The following ST6GALNAC3 variants were observed in gnomAD, a reference collection of about 807,000 sequenced individuals.
The protein encoded by ST6GALNAC3 is ST6 N-acetylgalactosaminide alpha-2,6-sialyltransferase 3, also known as alpha-N-acetylgalactosaminide alpha-2,6-sialyltransferase 3.
In ST6GALNAC3, 25 loss-of-function variants were observed where a neutral mutation model predicts 32.7. That is an observed-to-expected ratio of 0.76 (90% CI 0.56 to 1.07). The LOEUF is 1.07. Ranked by LOEUF, ST6GALNAC3 falls within the 50% of genes least tolerant of loss-of-function variation. The pLI is 0.00. For synonymous variants in ST6GALNAC3, 129 were observed against 133.1 expected (o/e 0.97, Z 0.21); for missense variants, 355 against 382.4 (o/e 0.93, Z 0.60).
intron 1 of ST6GALNAC3, among the ~76,000 whole-genome samples, chr1:76,102,498 C>T (rs188382726): frequency 4.3e-3 from 660 of 152,068 alleles, no homozygotes; most frequent in Middle Eastern, 6.8e-3. Flanking sequence ...CTTTTTCTCC[C>T]TTCTGTTGAA....
At chr1:76,461,575 G>A (rs910345733) in intron 3 of ST6GALNAC3, among the ~76,000 whole-genome samples, 1 of 152,084 alleles carries the variant, frequency 6.6e-6, no homozygotes, top group African/African-American at 2.4e-5. Context: ...GTCTCAGCAT[G>A]GGCATCTGCC....
At chr1:76,356,043 A>T (rs1316864616) in intron 2 of ST6GALNAC3, among the ~76,000 whole-genome samples, 2 of 152,168 alleles carry the variant, frequency 1.3e-5, no homozygotes, top group Non-Finnish European at 2.9e-5. Flanking sequence ...CTAAAACATT[A>T]CATTAACTAT....
At chr1:76,381,599 A>G (rs1262695193) in intron 2 of ST6GALNAC3, among the ~76,000 whole-genome samples, 2 of 152,248 alleles carry the variant, frequency 1.3e-5, no homozygotes, top group East Asian at 3.9e-4. Flanking sequence ...ATCAGAGTAC[A>G]CCAAAATGGG....
At position 76,148,488 on chromosome 1, in the gene ST6GALNAC3, C is replaced by T. The variant is rs566828913; in HGVS notation, c.18+73604C>T. 5.9e-5 allele frequency among the ~76,000 whole-genome samples: 9 copies of T among 152,226 alleles called. No individual in the cohort carries two copies. In the East Asian group the frequency reaches 7.7e-4, roughly 13 times the overall value. Reference sequence around the variant, plus strand: ...GGGCAAATTTGTTTGGTTTTCCTTCCGATATCTTTATTTATTTTTCTTTAT... The same window carrying T: ...GGGCAAATTTGTTTGGTTTTCCTTCTGATATCTTTATTTATTTTTCTTTAT... On this transcript the variant is annotated intron_variant, in intron 1 of 4. Transcript: ENST00000328299.
intron 3 of ST6GALNAC3, among the ~76,000 whole-genome samples, chr1:76,415,174 T>A (rs1210720690): frequency 2.0e-5 from 3 of 146,776 alleles, no homozygotes; most frequent in Non-Finnish European, 4.5e-5. Context: ...TTCATGTCTT[T>A]TTTTTTTTTT....
intron 3 of ST6GALNAC3, among the ~76,000 whole-genome samples, chr1:76,499,317 T>C (rs552880984): frequency 5.0e-4 from 76 of 152,296 alleles, no homozygotes; most frequent in African/African-American, 1.8e-3. Flanking sequence ...GTCTGCAATA[T>C]CTGGTAGGGT....
chr1:76,077,418 C>T (rs115206432), intron 1 of ST6GALNAC3, among the ~76,000 whole-genome samples: 13 of 152,262 alleles, frequency 8.5e-5, no homozygotes, highest in African/African-American at 3.1e-4. Context: ...AAAACATACA[C>T]ATTTTATTTG....
chr1:76,577,364 G>T, intron 3 of ST6GALNAC3: 1 of 976,262 alleles, frequency 1.0e-6, no homozygotes, highest in Non-Finnish European at 1.2e-6. Context: ...AAGAGCTATA[G>T]CCTCTTAATC....
intron 1 of ST6GALNAC3, among the ~76,000 whole-genome samples, chr1:76,124,163 C>T (rs1570075683): frequency 1.3e-5 from 2 of 152,190 alleles, no homozygotes; most frequent in African/African-American, 2.4e-5. Context: ...GAACTCCCGA[C>T]TACGATTGCT....
intron 2 of ST6GALNAC3, among the ~76,000 whole-genome samples, chr1:76,359,368 T>C (rs1649744324): frequency 6.6e-6 from 1 of 152,194 alleles, no homozygotes; most frequent in East Asian, 1.9e-4. Context: ...GGTCATACTG[T>C]AGCAGAGTGA....
intron 3 of ST6GALNAC3, among the ~76,000 whole-genome samples, chr1:76,498,583 A>G (rs1021305373): frequency 1.3e-5 from 2 of 152,166 alleles, no homozygotes; most frequent in African/African-American, 4.8e-5. Context: ...CTAATTCGAG[A>G]GTTTATTTTA....
chr1:76,146,428 T>C (rs559139600), intron 1 of ST6GALNAC3, among the ~76,000 whole-genome samples: 1 of 152,310 alleles, frequency 6.6e-6, no homozygotes, highest in Admixed American at 6.5e-5. Flanking sequence ...CAACTTTTGA[T>C]TGAGATGTTC....
At position 76,254,797 on chromosome 1, in the gene ST6GALNAC3, G is replaced by T. The variant is rs537036622; in HGVS notation, c.19-59008G>T. The stretch of plus-strand genomic sequence containing the variant: ...TAATTGGCTTTTATTAGTGATTCAT[G>T]AATCCGTTCGCATCCCATCTGTGAA... On this transcript the variant is annotated intron_variant, in intron 1 of 4. Coordinates refer to ENST00000328299, the MANE Select transcript of ST6GALNAC3 (RefSeq NM_152996.4). 7.9e-5 allele frequency among the ~76,000 whole-genome samples: 12 copies of T among 152,114 alleles called. No homozygotes were observed. The South Asian group carries it at 2.5e-3, about 32-fold the overall frequency.
intron 1 of ST6GALNAC3, among the ~76,000 whole-genome samples, chr1:76,097,279 T>C (rs998496692): frequency 2.6e-5 from 4 of 152,278 alleles, no homozygotes; most frequent in Admixed American, 6.5e-5. Context: ...TCAAATCTTA[T>C]CTTGAATTGA....
At chr1:76,608,890 T>C (rs1647741701) in intron 3 of ST6GALNAC3, among the ~76,000 whole-genome samples, 1 of 152,146 alleles carries the variant, frequency 6.6e-6, no homozygotes, top group Non-Finnish European at 1.5e-5. Flanking sequence ...TCCTCCCATT[T>C]AGTAAAACTG....
chr1:76,391,510 C>T (rs147974926), intron 2 of ST6GALNAC3, among the ~76,000 whole-genome samples: 29 of 150,754 alleles, frequency 1.9e-4, no homozygotes, highest in African/African-American at 6.1e-4. Context: ...AAATCGTAAG[C>T]CATTAGGAAA....
chr1:76,506,346 A>C (rs980752002), intron 3 of ST6GALNAC3, among the ~76,000 whole-genome samples: 1 of 152,040 alleles, frequency 6.6e-6, no homozygotes, highest in African/African-American at 2.4e-5. Context: ...AATTAAATGA[A>C]AGATCTCTAA....
chr1:76,592,198 A>T (rs867802376), intron 3 of ST6GALNAC3, among the ~76,000 whole-genome samples: 1 of 152,304 alleles, frequency 6.6e-6, no homozygotes, highest in Middle Eastern at 3.4e-3. Flanking sequence ...GGGAGAAAAG[A>T]CTTAAGCCAG....
At chr1:76,330,549 A>G (rs1212466597) in intron 2 of ST6GALNAC3, among the ~76,000 whole-genome samples, 1 of 152,242 alleles carries the variant, frequency 6.6e-6, no homozygotes, top group East Asian at 1.9e-4. Context: ...AATTATCATT[A>G]TCTTAGCCAA....
Sources: gnomAD v4.1 joint callset for allele counts (sites outside exome capture counted in the v4.1 genomes callset) on GRCh38, gnomAD v4.1.1 for gene constraint, MANE v1.5 for transcripts, NCBI Gene and HGNC (gene_info 2026-07-23, HGNC 2026-07-21) for gene names.